The following DIP2B variants were observed in gnomAD, a reference collection of about 807,000 sequenced individuals.
DIP2B encodes DIP2 acetate--CoA ligase B (putative).
DIP2B carries 76 observed loss-of-function variants against 198.0 expected under a neutral mutation model. The observed-to-expected ratio is 0.38, with a 90% CI of 0.32 to 0.46. The LOEUF (loss-of-function observed/expected upper bound fraction) is 0.46. DIP2B is among the 20% of genes least tolerant of loss of function. DIP2B has a pLI of 0.99. For missense variants in DIP2B, 1,559 were observed against 1,978.4 expected (o/e 0.79, Z 4.02); for synonymous variants, 701 against 739.1 (o/e 0.95, Z 0.84).
In DIP2B at chr12:50,731,544, A is replaced by C; in HGVS notation, c.3810+7A>C. 1 of 1,605,416 alleles carries C rather than the reference A, an allele frequency of 6.2e-7. No individual in the cohort carries two copies. ...CCAAGTGGAAGTGCTAAAGGTAAGA[A>C]GCAGCTCCAGCAGGTGGCCAGTCCC... On this transcript the variant is annotated splice_region_variant and intron_variant, in intron 31 of 37. Transcript: ENST00000301180.
chr12:50,702,764 G>A (rs997947970), intron 19 of DIP2B, among the ~76,000 whole-genome samples: 3 of 143,444 alleles, frequency 2.1e-5, no homozygotes, highest in South Asian at 2.2e-4. Context: ...AAAAAGGAGG[G>A]GTGGGGAGCA....
intron 37 of DIP2B, chr12:50,743,575 C>T (rs1940294506): frequency 6.6e-6 from 1 of 152,144 alleles, no homozygotes; most frequent in African/African-American, 2.4e-5. Flanking sequence ...TTAGGGTGGT[C>T]TGAAGGTAGT....
intron 1 of DIP2B, among the ~76,000 whole-genome samples, chr12:50,615,963 T>C (rs1937694001): frequency 6.6e-6 from 1 of 152,190 alleles, no homozygotes; most frequent in African/African-American, 2.4e-5. Flanking sequence ...GCAGGCATGG[T>C]TTTTCTAAGT....
chr12:50,571,959 T>C (rs1958619005), intron 1 of DIP2B, among the ~76,000 whole-genome samples: 1 of 152,238 alleles, frequency 6.6e-6, no homozygotes, highest in South Asian at 2.1e-4. Flanking sequence ...ACTTTTAGTT[T>C]AACTATTCCT....
At chr12:50,592,686 C>G (rs1008197204) in intron 1 of DIP2B, among the ~76,000 whole-genome samples, 1 of 152,040 alleles carries the variant, frequency 6.6e-6, no homozygotes, top group Non-Finnish European at 1.5e-5. Context: ...CCATGTTGGT[C>G]AGGCTGGTCT....
chr12:50,640,794 T>C lies in DIP2B; in HGVS notation c.243T>C (p.Ala81=), dbSNP rs371088344. The C allele has an allele frequency of 1.2e-6, 2 of 1,613,942 alleles. No homozygotes were observed. Among genetic ancestry groups the C allele is most frequent in the East Asian group, 2.2e-5 (1 of 44,876 alleles). The change falls in exon 3 of 38, where the codon GCT becomes GCC. Residue 81 remains alanine, a synonymous_variant. Coordinates refer to ENST00000301180, the MANE Select transcript of DIP2B (RefSeq NM_173602.3). ...CTCCATCTGCAGCTCAAACTTCTGC[T>C]CCCTCTAAGTACCACCGAACTCGAT... ...TPAPSAAQTS[A]PSKYHRTRSG... is the part of the protein sequence containing the mutation.
chr12:50,598,134 C>G (rs1958894173), intron 1 of DIP2B, among the ~76,000 whole-genome samples: 1 of 152,128 alleles, frequency 6.6e-6, no homozygotes, highest in South Asian at 2.1e-4. Flanking sequence ...CCCACTTTTG[C>G]ATTACTGAGC....
intron 14 of DIP2B, among the ~76,000 whole-genome samples, chr12:50,693,719 T>C (rs1313192023): frequency 1.3e-5 from 2 of 152,198 alleles, no homozygotes; most frequent in Admixed American, 6.5e-5. Flanking sequence ...AAGAAGAATC[T>C]CTTCTCTGTG....
At chr12:50,590,850 T>C (rs985262440) in intron 1 of DIP2B, among the ~76,000 whole-genome samples, 1 of 152,220 alleles carries the variant, frequency 6.6e-6, no homozygotes, top group African/African-American at 2.4e-5. Context: ...TCTAGGAAAC[T>C]CCACTTTCAA....
At chr12:50,609,098 A>G (rs1049766116) in intron 1 of DIP2B, among the ~76,000 whole-genome samples, 1 of 152,146 alleles carries the variant, frequency 6.6e-6, no homozygotes. Context: ...GTGCCATTGC[A>G]CTCTAGCCTG....
chr12:50,543,978 C>T (rs1475146989), intron 1 of DIP2B, among the ~76,000 whole-genome samples: 1 of 145,718 alleles, frequency 6.9e-6, no homozygotes, highest in Non-Finnish European at 1.5e-5. Flanking sequence ...GCTTGTAATT[C>T]CAGCGCTTTG....
chr12:50,574,428 A>G (rs1004869157), intron 1 of DIP2B, among the ~76,000 whole-genome samples: 173 of 152,234 alleles, frequency 1.1e-3, no homozygotes, highest in African/African-American at 2.1e-3. Context: ...TTGGTTTGCT[A>G]AGTGAATTCC....
At chr12:50,564,268 T>C (rs189655643) in intron 1 of DIP2B, among the ~76,000 whole-genome samples, 1 of 152,296 alleles carries the variant, frequency 6.6e-6, no homozygotes, top group Admixed American at 6.5e-5. Context: ...ATTTGTTCTT[T>C]CGGTGATGGA....
At chr12:50,607,867 C>T (rs973854454) in intron 1 of DIP2B, among the ~76,000 whole-genome samples, 1 of 152,212 alleles carries the variant, frequency 6.6e-6, no homozygotes, top group Non-Finnish European at 1.5e-5. Context: ...GATCTCGGCT[C>T]ACTGCAACCT....
At chr12:50,505,827 CG>C (rs1347009301) in intron 1 of DIP2B, among the ~76,000 whole-genome samples, 1 of 151,928 alleles carries the variant, frequency 6.6e-6, no homozygotes, top group Non-Finnish European at 1.5e-5. Flanking sequence ...GAGAGACACA[CG>C]GTGCTGCTTT....
intron 4 of DIP2B, among the ~76,000 whole-genome samples, chr12:50,663,064 G>A (rs1331461381): frequency 6.6e-6 from 1 of 152,086 alleles, no homozygotes; most frequent in African/African-American, 2.4e-5. Flanking sequence ...AGCCGAGATC[G>A]CGCCATTCAG....
chr12:50,700,355 C>T (rs2731443), intron 19 of DIP2B, among the ~76,000 whole-genome samples: 41,210 of 152,024 alleles, frequency 0.27, 6,355 homozygotes, highest in Non-Finnish European at 0.35. Flanking sequence ...ATTTTAGGGA[C>T]GAGAGAAATT....
chr12:50,732,814 T>A (rs1565885590), intron 32 of DIP2B, among the ~76,000 whole-genome samples: 1 of 152,234 alleles, frequency 6.6e-6, no homozygotes, highest in Non-Finnish European at 1.5e-5. Context: ...GTGTTGGTGT[T>A]TACTTGAGTC....
chr12:50,674,677 A>G (rs1275756026), intron 6 of DIP2B, 48 bp downstream of exon 6: 1 of 1,604,030 alleles, frequency 6.2e-7, no homozygotes, highest in African/African-American at 1.3e-5. Flanking sequence ...ACTAAACTAG[A>G]AAAATTCAAA....
Sources: gnomAD v4.1 joint callset for allele counts (sites outside exome capture counted in the v4.1 genomes callset) on GRCh38, gnomAD v4.1.1 for gene constraint, MANE v1.5 for transcripts, NCBI Gene and HGNC (gene_info 2026-07-23, HGNC 2026-07-21) for gene names.